MAGI3: variants seen among roughly 807,000 people sequenced by gnomAD.
MAGI3 encodes the protein membrane-associated guanylate kinase, WW and PDZ domain-containing protein 3.
Under a neutral mutation model 121.8 loss-of-function variants are expected in MAGI3, and 43 were observed. The observed-to-expected ratio is 0.35, with a 90% CI of 0.28 to 0.46. The LOEUF (loss-of-function observed/expected upper bound fraction) is 0.46. Among genes scored for constraint, MAGI3 ranks in the 20% least tolerant of loss-of-function variants. MAGI3 has a pLI of 1.00. For synonymous variants in MAGI3, 553 were observed against 639.3 expected (o/e 0.86, Z 2.04); for missense variants, 1,547 against 1,797.3 (o/e 0.86, Z 2.52).
chr1:113,478,936 C>G (rs1397594119), intron 1 of MAGI3, among the ~76,000 whole-genome samples: 1 of 152,216 alleles, frequency 6.6e-6, no homozygotes, highest in Admixed American at 6.5e-5. Flanking sequence ...CTTTGTTTAC[C>G]TACTCAAGCC....
At chr1:113,568,790 G>T (rs973670853) in intron 2 of MAGI3, among the ~76,000 whole-genome samples, 3 of 151,976 alleles carry the variant, frequency 2.0e-5, no homozygotes, top group Non-Finnish European at 4.4e-5. Context: ...CCCACCATCT[G>T]TTTTTTGTGT....
At chr1:113,586,071 A>G (rs1648349884) in intron 4 of MAGI3, among the ~76,000 whole-genome samples, 1 of 152,236 alleles carries the variant, frequency 6.6e-6, no homozygotes, top group Admixed American at 6.5e-5. Context: ...AAAATTTCAA[A>G]TATGAGACCC....
At chr1:113,490,177 G>C (rs1656601726) in intron 1 of MAGI3, among the ~76,000 whole-genome samples, 1 of 152,210 alleles carries the variant, frequency 6.6e-6, no homozygotes, top group Non-Finnish European at 1.5e-5. Flanking sequence ...AAGCCCATCA[G>C]ACTAACAGAC....
intron 15 of MAGI3, among the ~76,000 whole-genome samples, chr1:113,656,819 T>G (rs1314982800): frequency 1.3e-5 from 2 of 152,284 alleles, no homozygotes; most frequent in Non-Finnish European, 1.5e-5. Flanking sequence ...ATTCTGAGTT[T>G]CTCTACTGTT....
chr1:113,489,708 C>A (rs183325029), intron 1 of MAGI3, among the ~76,000 whole-genome samples: 66 of 152,100 alleles, frequency 4.3e-4, no homozygotes, highest in African/African-American at 1.5e-3. Flanking sequence ...TACAACCCAA[C>A]AGAGCTGAAA....
At chr1:113,410,499 A>T (rs1651918356) in intron 1 of MAGI3, among the ~76,000 whole-genome samples, 2 of 152,020 alleles carry the variant, frequency 1.3e-5, no homozygotes, top group South Asian at 4.1e-4. Context: ...AAAAATGTGA[A>T]CTTTTTGGGA....
chr1:113,601,931 A>G (rs1467289094), intron 6 of MAGI3, among the ~76,000 whole-genome samples: 2 of 151,058 alleles, frequency 1.3e-5, no homozygotes, highest in African/African-American at 2.4e-5. Flanking sequence ...AGGGACATGG[A>G]TGAAATTGGA....
intron 1 of MAGI3, among the ~76,000 whole-genome samples, chr1:113,420,359 A>G (rs149557991): frequency 6.6e-6 from 1 of 152,304 alleles, no homozygotes; most frequent in African/African-American, 2.4e-5. Flanking sequence ...TAGTTGCTGT[A>G]TTGCTTTATT....
intron 1 of MAGI3, among the ~76,000 whole-genome samples, chr1:113,531,300 A>AT (rs1162182819): frequency 3.3e-5 from 5 of 152,182 alleles, no homozygotes; most frequent in African/African-American, 1.2e-4. Context: ...TTCAGGGAGT[A>AT]TTTTTATCAC....
Position 113,685,718 on chromosome 1 carries a change from G to A in MAGI3, c.*1704G>A, listed in dbSNP as rs1022110660. 1 of 152,272 alleles carries A rather than the reference G, an allele frequency of 6.6e-6. No individual in the cohort carries two copies. Among genetic ancestry groups the A allele is most frequent in the Non-Finnish European group, 1.5e-5 (1 of 68,014 alleles). 9.4% of individuals were successfully genotyped at this position (152,272 alleles called of 1,614,324 possible). A position where few individuals can be genotyped will look rare whatever the true frequency, so the allele number is the denominator to read the frequency against. On this transcript the variant is annotated 3_prime_UTR_variant, in exon 21 of 21. Coordinates refer to ENST00000307546, the MANE Select transcript of MAGI3 (RefSeq NM_001142782.2). ...TGACATAACTTTGATGTCATATGTT[G>A]TCCTATGTGGTTCTTCCTAAGTAAA...
chr1:113,410,689 G>C (rs1365518105), intron 1 of MAGI3, among the ~76,000 whole-genome samples: 1 of 151,718 alleles, frequency 6.6e-6, no homozygotes, highest in Non-Finnish European at 1.5e-5. Context: ...TGTTATTTTG[G>C]ATTATTTGCT....
chr1:113,514,174 G>A (rs1342804846), intron 1 of MAGI3, among the ~76,000 whole-genome samples: 1 of 152,222 alleles, frequency 6.6e-6, no homozygotes, highest in Non-Finnish European at 1.5e-5. Context: ...TACACCATTG[G>A]TGGGACTGTA....
rs146330033 is a variant in MAGI3, at chr1:113,585,539, C to G, written c.706C>G (p.Leu236Val). 2,661 of 1,614,146 alleles carry G rather than the reference C, an allele frequency of 1.6e-3. 5 individuals carry two copies. Among genetic ancestry groups the G allele is most frequent in the Non-Finnish European group, 2.0e-3 (2,346 of 1,180,008 alleles). The change falls in exon 4 of 21, where the codon CTT (leucine) becomes GTT (valine). Residue 236 changes from leucine (L) to valine (V), a missense_variant. Transcript: ENST00000307546. ...VSKMERMDSSLPEEEEDEDKE... is the reference protein window; with the variant it reads ...VSKMERMDSSVPEEEEDEDKE... ...CAAGATGGAAAGAATGGATAGCTCT[C>G]TTCCTGAAGAGGAAGAAGATGAGGA...
chr1:113,614,300 C>G (rs1225449695), intron 6 of MAGI3, among the ~76,000 whole-genome samples: 10 of 152,146 alleles, frequency 6.6e-5, no homozygotes, highest in African/African-American at 2.4e-4. Flanking sequence ...TCAGCATGAT[C>G]AAGGTTTTTA....
At position 113,574,729 on chromosome 1, in the gene MAGI3, G is replaced by A. The variant is rs1326435978; in HGVS notation, c.434-5813G>A. 2.0e-5 allele frequency among the ~76,000 whole-genome samples: 3 copies of A among 152,130 alleles called. No individual in the cohort carries two copies. The South Asian group carries it at 6.2e-4, about 32-fold the overall frequency. On this transcript the variant is annotated intron_variant, in intron 2 of 20. Transcript: ENST00000307546. ...CTATATTTCCTGAATTTGAAAGTTG[G>A]CCTCTCTTGCTAGGTTGCGGAGGTT...
chr1:113,452,483 C>CAA (rs1654534444), intron 1 of MAGI3, among the ~76,000 whole-genome samples: 1 of 151,834 alleles, frequency 6.6e-6, no homozygotes, highest in Non-Finnish European at 1.5e-5. Context: ...CACACACACA[C>CAA]ACACACTGAA....
intron 2 of MAGI3, among the ~76,000 whole-genome samples, chr1:113,575,038 A>G (rs1324045263): frequency 2.0e-5 from 3 of 152,062 alleles, no homozygotes. Flanking sequence ...CAGCTCCATC[A>G]GGTCATTTAT....
chr1:113,537,593 A>G (rs1659067677), intron 1 of MAGI3, among the ~76,000 whole-genome samples: 5 of 152,198 alleles, frequency 3.3e-5, no homozygotes. Flanking sequence ...TTTTCTATTC[A>G]GAGTTTGCAA....
intron 16 of MAGI3, among the ~76,000 whole-genome samples, chr1:113,659,649 A>G (rs1653677476): frequency 6.6e-6 from 1 of 152,202 alleles, no homozygotes; most frequent in Non-Finnish European, 1.5e-5. Context: ...CAAGTCTTTT[A>G]TGTCAGGCCC....
Sources: allele counts gnomAD v4.1 joint callset (sites outside exome capture counted in the v4.1 genomes callset), GRCh38; gene constraint gnomAD v4.1.1; transcripts MANE v1.5; gene names NCBI Gene and HGNC (gene_info 2026-07-23, HGNC 2026-07-21).